PKDCC: variants seen among roughly 807,000 people sequenced by gnomAD.
PKDCC encodes extracellular tyrosine-protein kinase PKDCC.
PKDCC carries 35 observed loss-of-function variants against 44.7 expected under a neutral mutation model. The ratio of observed to expected loss-of-function variants is 0.78; its 90% CI spans 0.60 to 1.04. The LOEUF (loss-of-function observed/expected upper bound fraction) is 1.04, where lower values mean the gene tolerates loss of function less well. PKDCC is among the 50% of genes least tolerant of loss of function. PKDCC has a pLI of 0.00. For missense variants in PKDCC, 738 were observed against 672.7 expected (o/e 1.10, Z -1.07); for synonymous variants, 353 against 303.3 (o/e 1.16, Z -1.70).
chr2:42,050,362 T>C (rs1667945167), intron 1 of PKDCC, among the ~76,000 whole-genome samples: 3 of 152,046 alleles, frequency 2.0e-5, no homozygotes, highest in Non-Finnish European at 4.4e-5. Context: ...CCTGAGGGAG[T>C]GGAGAGGTCT....
At chr2:42,053,864 GCCT>G (rs1296256387) in intron 2 of PKDCC, among the ~76,000 whole-genome samples, 169 bp from the exon 3 acceptor site, 1 of 152,060 alleles carries the variant, frequency 6.6e-6, no homozygotes, top group Non-Finnish European at 1.5e-5. Flanking sequence ...AAAATCACTG[GCCT>G]CCTCTCTAAG....
rs1668039107 is a variant in PKDCC, at chr2:42,055,489, G to C, written c.1222+96G>C. ...GGCTAAGTGGCTCACCCTTTCTCTGGGGACCCTTGTCTCCAAAGGCCACTG... is the reference window on the plus strand; with the variant it reads ...GGCTAAGTGGCTCACCCTTTCTCTGCGGACCCTTGTCTCCAAAGGCCACTG... On this transcript the variant is annotated intron_variant, in intron 5 of 6. Transcript: ENST00000294964. The surrounding 1 kb of genome is among the most constrained non-coding windows in gnomAD (Gnocchi z 4.5). 1.8e-6 allele frequency: 2 copies of C among 1,114,712 alleles called. No individual in the cohort carries two copies. Among genetic ancestry groups the C allele is most frequent in the Non-Finnish European group, 2.6e-6 (2 of 765,202 alleles). 69.1% of individuals were successfully genotyped at this position (1,114,712 alleles called of 1,614,324 possible). A position where few individuals can be genotyped will look rare whatever the true frequency, so the allele number is the denominator to read the frequency against.
In PKDCC at chr2:42,051,010, T is replaced by C. The variant is rs748532640; in HGVS notation, c.639+2172T>C. Among the ~76,000 whole-genome samples the C allele has an allele frequency of 6.6e-5, 10 of 152,070 alleles. No homozygotes were observed. The highest frequency in any genetic ancestry group is 1.3e-4 in the Non-Finnish European group (9 of 67,998). ...GAGTTATTTAAAATTTCAAAACCAT[T>C]TGACTGTTTGCTGAACTGGGGAGGA... On this transcript the variant is annotated intron_variant, in intron 1 of 6. Coordinates refer to ENST00000294964, the MANE Select transcript of PKDCC (RefSeq NM_138370.3). This position sits in a 1 kb window ranked among gnomAD's most constrained non-coding sequence, Gnocchi z 4.2.
In PKDCC at chr2:42,052,791, T is replaced by C. The variant is rs1315210114; in HGVS notation, c.640-448T>C. On this transcript the variant is annotated intron_variant, in intron 1 of 6. Transcript: ENST00000294964. The surrounding 1 kb of genome is among the most constrained non-coding windows in gnomAD (Gnocchi z 4.3). ...AAATAAATAAAAATAGGTTGTGGAA[T>C]CCGAGTGGCACAAATTCACATCTTA... 6.9e-6 allele frequency among the ~76,000 whole-genome samples: 1 copy of C among 145,204 alleles called. No homozygotes were observed. The highest frequency in any genetic ancestry group is 1.9e-4 in the East Asian group (1 of 5,142).
chr2:42,055,343 T>C lies in PKDCC; in HGVS notation c.1172T>C (p.Leu391Pro). ...TLAQLEKVLH[L>P]YRSGQYLQNS... ...GCCCAGCTGGAGAAGGTGCTGCACC[T>C]GTACCGGAGCGGGCAGTATCTGCAG... The change falls in exon 5 of 7, where the codon CTG (leucine) becomes CCG (proline). Residue 391 changes from leucine (L) to proline (P), a missense_variant. By Grantham distance (98) the Leu-to-Pro change is moderately conservative. Coordinates refer to ENST00000294964, the MANE Select transcript of PKDCC (RefSeq NM_138370.3). This position sits in a 1 kb window ranked among gnomAD's most constrained non-coding sequence, Gnocchi z 4.5. 6.2e-7 allele frequency: 1 copy of C among 1,613,750 alleles called. No individual in the cohort carries two copies. Among genetic ancestry groups the C allele is most frequent in the African/African-American group, 1.3e-5 (1 of 75,034 alleles).
In PKDCC at chr2:42,055,384, A is replaced by G. The variant is rs776650479; in HGVS notation, c.1213A>G (p.Ser405Gly). The G allele has an allele frequency of 1.9e-6, 3 of 1,613,322 alleles. No individual in the cohort carries two copies. The African/African-American group carries it at 4.0e-5, about 22-fold the overall frequency. Reference sequence around the variant, plus strand: ...GTATCTGCAGAACTCCACGGCAAGCAGCAGTACCGGTGAGTGGCCCCAAGC... The same window carrying G: ...GTATCTGCAGAACTCCACGGCAAGCGGCAGTACCGGTGAGTGGCCCCAAGC... ...GQYLQNSTAS[S>G]STEYQCIPDS... is the part of the protein sequence containing the mutation. The change falls in exon 5 of 7, where the codon AGC becomes GGC. Residue 405 changes from serine (S) to glycine (G), a missense_variant. Coordinates refer to ENST00000294964, the MANE Select transcript of PKDCC (RefSeq NM_138370.3). This position sits in a 1 kb window ranked among gnomAD's most constrained non-coding sequence, Gnocchi z 4.5.
rs1473811861 is a variant in PKDCC, at chr2:42,053,313, T to C, written c.714T>C (p.Pro238=). The change falls in exon 2 of 7, where the codon CCT becomes CCC. Residue 238 remains proline, a synonymous_variant. Transcript: ENST00000294964. ...TLTTITELGA[P]VEMIQLLQTS... ...CCACCATCACGGAGCTGGGCGCCCC[T>C]GTAGAAATGATCCAGCTGCTGCAAA... The C allele has an allele frequency of 1.2e-6, 2 of 1,609,722 alleles. No individual in the cohort carries two copies. The highest frequency in any genetic ancestry group is 3.4e-5 in the Admixed American group (2 of 59,512).
At chr2:42,049,504 C>T (rs1375945778) in intron 1 of PKDCC, among the ~76,000 whole-genome samples, 1 of 152,118 alleles carries the variant, frequency 6.6e-6, no homozygotes, top group African/African-American at 2.4e-5. Flanking sequence ...CCTTGAGCCC[C>T]TGGAGAAGCC....
chr2:42,048,789 T>G lies in PKDCC; in HGVS notation c.590T>G (p.Leu197Arg), dbSNP rs1558430603. 8 of 1,504,832 alleles carry G rather than the reference T, an allele frequency of 5.3e-6. No individual in the cohort carries two copies. Among genetic ancestry groups the G allele is most frequent in the Non-Finnish European group, 7.1e-6 (8 of 1,119,376 alleles). The allele number at this position is 1,504,832 out of a possible 1,614,324, so 93.2% of individuals were successfully genotyped here. ...TATCGGCTGGCGGCCCACAAGCTGC[T>G]TAAGGAGATGGTGCTGCTGGAGCGG... ...GCYRLAAHKL[L>R]KEMVLLERLR... The change falls in exon 1 of 7, where the codon CTT (leucine) becomes CGT (arginine). Residue 197 changes from leucine (L) to arginine (R), a missense_variant. Physicochemically the swap from Leu to Arg is moderately radical, Grantham distance 102. Transcript: ENST00000294964. This position sits in a 1 kb window ranked among gnomAD's most constrained non-coding sequence, Gnocchi z 6.2.
chr2:42,056,718 T>C (rs1355689709), intron 5 of PKDCC, among the ~76,000 whole-genome samples: 1 of 151,250 alleles, frequency 6.6e-6, no homozygotes, highest in Non-Finnish European at 1.5e-5. Context: ...AAGCTATGAT[T>C]GTGTCACTGC....
intron 6 of PKDCC, 66 bp downstream of exon 6, chr2:42,057,460 G>T (rs1668076270): frequency 6.3e-7 from 1 of 1,599,768 alleles, no homozygotes; most frequent in African/African-American, 1.3e-5. Context: ...GATAGATAGT[G>T]ATCCCCCATC....
rs1285177288 is a variant in PKDCC, at chr2:42,055,007, C to A, written c.1101C>A (p.Ile367=). The change falls in exon 4 of 7, where the codon ATC becomes ATA. Residue 367 remains isoleucine (I), a synonymous_variant. Coordinates refer to ENST00000294964, the MANE Select transcript of PKDCC (RefSeq NM_138370.3). This position sits in a 1 kb window ranked among gnomAD's most constrained non-coding sequence, Gnocchi z 4.5. ...PPSLRPLLDS[I]VNATGELAWG... is the part of the protein sequence containing the mutation. ...CACTGCGTCCTCTGCTGGACAGCAT[C>A]GTCAACGCCACAGGTGAGCTCTCCA... 1.2e-6 allele frequency: 2 copies of A among 1,613,780 alleles called. No homozygotes were observed. The highest frequency in any genetic ancestry group is 2.7e-5 in the African/African-American group (2 of 74,892).
At chr2:42,053,204 C>A in intron 1 of PKDCC, 35 bp from the exon 2 acceptor site, 1 of 1,483,966 alleles carries the variant, frequency 6.7e-7, no homozygotes. Context: ...CACCCCCACC[C>A]TGTGACCTAA....
At chr2:42,053,865 C>T (rs908637993) in intron 2 of PKDCC, among the ~76,000 whole-genome samples, 171 bp from the exon 3 acceptor site, 26 of 152,154 alleles carry the variant, frequency 1.7e-4, no homozygotes, top group African/African-American at 6.3e-4. Flanking sequence ...AAATCACTGG[C>T]CTCCTCTCTA....
chr2:42,055,695 G>A lies in PKDCC; in HGVS notation c.1222+302G>A. ...TATGACTTTGAGCAAGTTACCCCTT[G>A]AACCTCACTTTCCTCATCTGTGAAT... On this transcript the variant is annotated intron_variant, in intron 5 of 6. Coordinates refer to ENST00000294964, the MANE Select transcript of PKDCC (RefSeq NM_138370.3). This position sits in a 1 kb window ranked among gnomAD's most constrained non-coding sequence, Gnocchi z 4.5. 1 of 302,668 alleles carries A rather than the reference G, an allele frequency of 3.3e-6. No homozygotes were observed. Among genetic ancestry groups the A allele is most frequent in the African/African-American group, 2.1e-5 (1 of 46,570 alleles). 18.7% of individuals were successfully genotyped at this position (302,668 alleles called of 1,614,324 possible). A position where few individuals can be genotyped will look rare whatever the true frequency, so the allele number is the denominator to read the frequency against.
chr2:42,055,236 G>T lies in PKDCC; in HGVS notation c.1115-50G>T. 1 of 1,536,914 alleles carries T rather than the reference G, an allele frequency of 6.5e-7. No homozygotes were observed. Among genetic ancestry groups the T allele is most frequent in the Non-Finnish European group, 8.9e-7 (1 of 1,123,800 alleles). On this transcript the variant is annotated intron_variant, in intron 4 of 6. Coordinates refer to ENST00000294964, the MANE Select transcript of PKDCC (RefSeq NM_138370.3). The surrounding 1 kb of genome is among the most constrained non-coding windows in gnomAD (Gnocchi z 4.5). ...GGAGCAGCTGGCTGCTGACTTCAGG[G>T]AGGAGTGGGAGCCCCAGGCATCCTG...
Position 42,054,448 on chromosome 2 carries a change from A to T in PKDCC, c.1034+141A>T. On this transcript the variant is annotated intron_variant, in intron 3 of 6. Coordinates refer to ENST00000294964, the MANE Select transcript of PKDCC (RefSeq NM_138370.3). The surrounding 1 kb of genome is among the most constrained non-coding windows in gnomAD (Gnocchi z 6.1). The stretch of plus-strand genomic sequence containing the variant: ...GCAAGGGAAGGCTTCTACCCTGTCC[A>T]GAAGGGAACATTCAGGCCTCTGATG... 9.9e-7 allele frequency: 1 copy of T among 1,011,668 alleles called. No homozygotes were observed. Among genetic ancestry groups the T allele is most frequent in the African/African-American group, 1.6e-5 (1 of 61,354 alleles). The allele number at this position is 1,011,668 out of a possible 1,614,324, so 62.7% of individuals were successfully genotyped here.
rs1481060156 is a variant in PKDCC at position 42,048,424 on chromosome 2, C to G, written c.225C>G (p.Pro75=). 2.7e-6 allele frequency: 3 copies of G among 1,117,228 alleles called. No homozygotes were observed. Among genetic ancestry groups the G allele is most frequent in the East Asian group, 5.0e-5 (1 of 20,054 alleles). The allele number at this position is 1,117,228 out of a possible 1,614,324, so 69.2% of individuals were successfully genotyped here. A position where few individuals can be genotyped will look rare whatever the true frequency, so the allele number is the denominator to read the frequency against. The change falls in exon 1 of 7, where the codon CCC becomes CCG. Residue 75 remains proline (P), a synonymous_variant. Transcript: ENST00000294964. This position sits in a 1 kb window ranked among gnomAD's most constrained non-coding sequence, Gnocchi z 6.2. The stretch of plus-strand genomic sequence containing the variant: ...TGCAGCGCTATTCCCGCGGGGGCCC[C>G]GGGCCCGGGGCGGGCCGGCCGGAGC... The part of the protein sequence containing the change: ...EEVQRYSRGG[P]GPGAGRPERR...
In PKDCC at chr2:42,057,212, A is replaced by T. The variant is rs568388239; in HGVS notation, c.1223-9A>T. On this transcript the variant is annotated splice_polypyrimidine_tract_variant and intron_variant, in intron 5 of 6. Transcript: ENST00000294964. ...AGAATTCTCATTTTACTCCATCCCCAACCCACAGAGTACCAGTGTATCCCA... is the reference window on the plus strand; with the variant it reads ...AGAATTCTCATTTTACTCCATCCCCTACCCACAGAGTACCAGTGTATCCCA... 2.7e-5 allele frequency: 43 copies of T among 1,613,804 alleles called. No individual in the cohort carries two copies. The East Asian group carries it at 8.5e-4, about 32-fold the overall frequency.
Sources: gnomAD v4.1 joint callset for allele counts (sites outside exome capture counted in the v4.1 genomes callset) on GRCh38, gnomAD v4.1.1 for gene constraint, Gnocchi (gnomAD v3.1) non-coding constraint, MANE v1.5 for transcripts, NCBI Gene and HGNC (gene_info 2026-07-23, HGNC 2026-07-21) for gene names.